The following SCHIP1 variants were observed in gnomAD, a reference collection of about 807,000 sequenced individuals.
The protein encoded by SCHIP1 is schwannomin interacting protein 1.
SCHIP1 carries 8 observed loss-of-function variants against 29.7 expected under a neutral mutation model. The ratio of observed to expected loss-of-function variants is 0.27; its 90% CI spans 0.16 to 0.49. The LOEUF (loss-of-function observed/expected upper bound fraction) is 0.49. Among genes scored for constraint, SCHIP1 ranks in the 20% least tolerant of loss-of-function variants. The pLI is 0.99. For synonymous variants in SCHIP1, 76 were observed against 94.9 expected (o/e 0.80, Z 1.16); for missense variants, 193 against 294.6 (o/e 0.66, Z 2.52).
At chr3:159,324,923 A>T in the SCHIP1 span, among the ~76,000 whole-genome samples, 4 of 152,158 alleles carry the variant, frequency 2.6e-5, no homozygotes, top group South Asian at 2.1e-4. Flanking sequence ...TATCTTAGAT[A>T]CTTTTTCCAT....
At chr3:159,600,079 G>A in the SCHIP1 span, among the ~76,000 whole-genome samples, 1 of 152,060 alleles carries the variant, frequency 6.6e-6, no homozygotes, top group African/African-American at 2.4e-5. Flanking sequence ...AGAAATCTGT[G>A]GTTAGTCTGA....
At chr3:159,660,376 G>A in the SCHIP1 span, among the ~76,000 whole-genome samples, 1 of 152,094 alleles carries the variant, frequency 6.6e-6, no homozygotes, top group Non-Finnish European at 1.5e-5. Context: ...TAAAAGCATA[G>A]CTATAGTGTT....
the SCHIP1 span, among the ~76,000 whole-genome samples, chr3:159,621,543 A>G: frequency 6.6e-6 from 1 of 152,202 alleles, no homozygotes; most frequent in Non-Finnish European, 1.5e-5. Context: ...GTGTTCCCCA[A>G]TGAGGCTGCT....
the SCHIP1 span, among the ~76,000 whole-genome samples, chr3:159,808,835 T>G: frequency 1.3e-5 from 2 of 152,148 alleles, no homozygotes; most frequent in Non-Finnish European, 2.9e-5. Context: ...CACATGCCTG[T>G]AATTCCAGTT....
At chr3:159,698,093 G>T in the SCHIP1 span, among the ~76,000 whole-genome samples, 4 of 152,216 alleles carry the variant, frequency 2.6e-5, no homozygotes, top group African/African-American at 9.6e-5. Context: ...TCCCCTCACA[G>T]AACTTATATG....
At chr3:159,755,063 G>A in the SCHIP1 span, among the ~76,000 whole-genome samples, 18 of 152,162 alleles carry the variant, frequency 1.2e-4, 1 homozygote, top group East Asian at 9.7e-4. Flanking sequence ...GTGAAACCCC[G>A]TCTCTACTAA....
chr3:159,767,346 T>G, the SCHIP1 span, among the ~76,000 whole-genome samples: 1 of 152,190 alleles, frequency 6.6e-6, no homozygotes, highest in Non-Finnish European at 1.5e-5. Flanking sequence ...GGTTGCAACA[T>G]AAAGTTTACT....
At chr3:159,474,361 G>A in the SCHIP1 span, among the ~76,000 whole-genome samples, 1 of 152,162 alleles carries the variant, frequency 6.6e-6, no homozygotes, top group Non-Finnish European at 1.5e-5. Context: ...TGCAAGGTGT[G>A]TTCCTGTTGG....
the SCHIP1 span, among the ~76,000 whole-genome samples, chr3:159,752,673 G>T: frequency 2.0e-5 from 3 of 152,046 alleles, no homozygotes; most frequent in Non-Finnish European, 4.4e-5. Flanking sequence ...CAGCTCTCTC[G>T]AGAACTCACT....
the SCHIP1 span, among the ~76,000 whole-genome samples, chr3:159,463,887 A>G: frequency 6.6e-6 from 1 of 152,144 alleles, no homozygotes; most frequent in Admixed American, 6.6e-5. Flanking sequence ...TTCTGTACAT[A>G]TTGATCATGC....
At chr3:159,479,282 A>G in the SCHIP1 span, among the ~76,000 whole-genome samples, 18 of 152,236 alleles carry the variant, frequency 1.2e-4, no homozygotes, top group Admixed American at 2.0e-4. Flanking sequence ...ATTTTCTTGT[A>G]TATACTTTAA....
At chr3:159,848,865 C>A (rs1712191420) in intron 1 of SCHIP1, among the ~76,000 whole-genome samples, 1 of 152,086 alleles carries the variant, frequency 6.6e-6, no homozygotes, top group Admixed American at 6.5e-5. Flanking sequence ...CACAAGCTAT[C>A]CTGAAAACGG....
chr3:159,553,967 C>CGTGTGTGTGTGTGTGTGTGTGT, the SCHIP1 span, among the ~76,000 whole-genome samples: 17 of 115,722 alleles, frequency 1.5e-4, no homozygotes, highest in Non-Finnish European at 2.1e-4. Context: ...CGCCCAGCTA[C>CGTGTGTGTGTGTGTGTGTGTGT]GTGTGTGTGT....
the SCHIP1 span, among the ~76,000 whole-genome samples, chr3:159,551,321 A>G: frequency 1.3e-5 from 2 of 152,196 alleles, no homozygotes; most frequent in Non-Finnish European, 2.9e-5. Context: ...ACTATATAAT[A>G]GAATATAATA....
At chr3:159,280,409 T>G in the SCHIP1 span, among the ~76,000 whole-genome samples, 8 of 152,186 alleles carry the variant, frequency 5.3e-5, no homozygotes, top group Non-Finnish European at 1.2e-4. Context: ...CTAGAACACT[T>G]GGCCTTGTTT....
chr3:159,344,881 G>T, the SCHIP1 span, among the ~76,000 whole-genome samples: 11 of 152,268 alleles, frequency 7.2e-5, no homozygotes, highest in Middle Eastern at 3.4e-3. Context: ...TTGGGTATGG[G>T]AGTTATGGGA....
At chr3:159,494,818 T>G in the SCHIP1 span, among the ~76,000 whole-genome samples, 987 of 151,936 alleles carry the variant, frequency 6.5e-3, 13 homozygotes, top group African/African-American at 0.023. Context: ...GAGAATTTTA[T>G]ACCAATATCC....
At chr3:159,284,663 AT>A in the SCHIP1 span, among the ~76,000 whole-genome samples, 5 of 150,176 alleles carry the variant, frequency 3.3e-5, no homozygotes, top group Non-Finnish European at 5.9e-5. Context: ...TAATTTTTGT[AT>A]TTTTTTTTCT....
At chr3:159,677,425 G>GA in the SCHIP1 span, among the ~76,000 whole-genome samples, 4 of 152,146 alleles carry the variant, frequency 2.6e-5, no homozygotes, top group South Asian at 8.3e-4. Context: ...GATAGGAAGA[G>GA]AAGGGAGTTG....
Sources: gnomAD v4.1 joint callset for allele counts (sites outside exome capture counted in the v4.1 genomes callset) on GRCh38, gnomAD v4.1.1 for gene constraint, MANE v1.5 for transcripts, NCBI Gene and HGNC (gene_info 2026-07-23, HGNC 2026-07-21) for gene names.